The following RANBP9 variants were observed in gnomAD, a reference collection of about 807,000 sequenced individuals.
RANBP9 encodes RAN binding protein 9, also known as ran-binding protein 9.
A neutral mutation model predicts 84.3 loss-of-function variants in RANBP9; 15 were observed. The ratio of observed to expected loss-of-function variants is 0.18; its 90% CI spans 0.12 to 0.27. RANBP9 has a LOEUF of 0.27. Ranked by LOEUF, RANBP9 falls within the 10% of genes least tolerant of loss-of-function variation. The pLI is 1.00. For missense variants in RANBP9, 809 were observed against 912.8 expected, an observed-to-expected ratio of 0.89 and a Z score of 1.46; for synonymous variants, 392 against 349.6, an observed-to-expected ratio of 1.12 and a Z score of -1.35.
intron 2 of RANBP9, 79 bp downstream of exon 2, chr6:13,696,706 A>G: frequency 1.6e-6 from 2 of 1,222,202 alleles, no homozygotes; most frequent in Non-Finnish European, 2.3e-6. Flanking sequence ...CAGGATTCCA[A>G]CTTTCCAATT....
chr6:13,674,289 AAGAC>A (rs1765840444), intron 2 of RANBP9, among the ~76,000 whole-genome samples: 1 of 152,146 alleles, frequency 6.6e-6, no homozygotes, highest in African/African-American at 2.4e-5. Flanking sequence ...TCTAAATATA[AAGAC>A]ACAGATAGGT....
In RANBP9 at chr6:13,634,566, A is replaced by C. The variant is rs1261267952; in HGVS notation, c.1674-14T>G. ...TCTACATCATTACTGAAAACGAAAA[A>C]ACAAACCTAATTTTAGAAATATCAT... On this transcript the variant is annotated splice_polypyrimidine_tract_variant and intron_variant, in intron 10 of 13. Coordinates refer to ENST00000011619, the MANE Select transcript of RANBP9 (RefSeq NM_005493.3). The C allele has an allele frequency of 6.3e-7, 1 of 1,587,730 alleles. No homozygotes were observed. Among genetic ancestry groups the C allele is most frequent in the South Asian group, 1.1e-5 (1 of 88,684 alleles).
chr6:13,641,384 AAGTT>A (rs1425054446), intron 7 of RANBP9, 77 bp from the exon 8 acceptor site: 86 of 816,544 alleles, frequency 1.1e-4, no homozygotes, highest in South Asian at 8.6e-4. Flanking sequence ...TCAGAAAAGA[AAGTT>A]AGTAAGAAAT....
intron 2 of RANBP9, among the ~76,000 whole-genome samples, chr6:13,661,600 A>T (rs1765539395): frequency 6.6e-6 from 1 of 152,180 alleles, no homozygotes; most frequent in Non-Finnish European, 1.5e-5. Context: ...AAACATAAAA[A>T]TAAGTATATT....
Position 13,696,902 on chromosome 6 carries a change from T to C in RANBP9, c.572-6A>G, listed in dbSNP as rs763433433. 13 of 1,602,960 alleles carry C rather than the reference T, an allele frequency of 8.1e-6. No individual in the cohort carries two copies. The highest frequency in any genetic ancestry group is 3.4e-5 in the Admixed American group (2 of 58,608). ...TTTTGGGGTTTTGCCATGACCTGCA[T>C]AGAAACAGGAAGGAAAAAAGAAGTC... On this transcript the variant is annotated splice_region_variant and splice_polypyrimidine_tract_variant and intron_variant, in intron 1 of 13. Coordinates refer to ENST00000011619, the MANE Select transcript of RANBP9 (RefSeq NM_005493.3).
intron 12 of RANBP9, among the ~76,000 whole-genome samples, chr6:13,631,231 G>C (rs2127761005): frequency 6.6e-6 from 1 of 152,222 alleles, no homozygotes; most frequent in East Asian, 1.9e-4. Flanking sequence ...ATACTATGGA[G>C]TAGATGAAGT....
At chr6:13,687,402 C>A (rs1332816067) in intron 2 of RANBP9, among the ~76,000 whole-genome samples, 2 of 151,924 alleles carry the variant, frequency 1.3e-5, no homozygotes, top group African/African-American at 4.8e-5. Context: ...GCAGGAGGAT[C>A]CCTTGAGCCC....
At chr6:13,666,280 T>C (rs1268036762) in intron 2 of RANBP9, among the ~76,000 whole-genome samples, 1 of 152,056 alleles carries the variant, frequency 6.6e-6, no homozygotes, top group Admixed American at 6.6e-5. Context: ...AGAGATACCT[T>C]ATAAAATAAT....
At chr6:13,668,026 A>G (rs542630330) in intron 2 of RANBP9, among the ~76,000 whole-genome samples, 2 of 152,264 alleles carry the variant, frequency 1.3e-5, no homozygotes, top group African/African-American at 4.8e-5. Context: ...AGAGACTAGA[A>G]AAACAATAGA....
At chr6:13,640,889 CAG>C (rs1055155506) in intron 8 of RANBP9, among the ~76,000 whole-genome samples, 2 of 151,904 alleles carry the variant, frequency 1.3e-5, no homozygotes, top group African/African-American at 2.4e-5. Flanking sequence ...TTTAAAATGC[CAG>C]AGAGATTAAA....
At position 13,669,462 on chromosome 6, in the gene RANBP9, C is replaced by T. The variant is rs577825424; in HGVS notation, c.684-10630G>A. 1.1e-4 allele frequency among the ~76,000 whole-genome samples: 17 copies of T among 152,232 alleles called. No individual in the cohort carries two copies. The East Asian group carries it at 3.3e-3, about 29-fold the overall frequency. On this transcript the variant is annotated intron_variant, in intron 2 of 13. Transcript: ENST00000011619. ...AAAAAAGTTGGAAGACTCACACATTCCAATTTTAAAACTCAATAAAAAGCT... is the reference window on the plus strand; with the variant it reads ...AAAAAAGTTGGAAGACTCACACATTTCAATTTTAAAACTCAATAAAAAGCT...
At chr6:13,650,224 C>CT (rs1385699106) in intron 5 of RANBP9, among the ~76,000 whole-genome samples, 1 of 148,700 alleles carries the variant, frequency 6.7e-6, no homozygotes, top group Non-Finnish European at 1.5e-5. Context: ...TGGTGTTGAA[C>CT]TCCTGGCCTC....
chr6:13,700,777 C>T (rs1209585133), intron 1 of RANBP9, among the ~76,000 whole-genome samples: 1 of 152,182 alleles, frequency 6.6e-6, no homozygotes, highest in East Asian at 1.9e-4. Context: ...GACCAAGCCA[C>T]CTGTAATATC....
chr6:13,648,427 C>T (rs561402814), intron 5 of RANBP9, among the ~76,000 whole-genome samples: 20 of 151,998 alleles, frequency 1.3e-4, no homozygotes, highest in African/African-American at 4.8e-4. Context: ...CGTGAGCCAC[C>T]GCACCCAGAT....
chr6:13,696,725 A>C, intron 2 of RANBP9, 60 bp downstream of exon 2: 10 of 1,394,662 alleles, frequency 7.2e-6, no homozygotes, highest in East Asian at 2.3e-5. Context: ...TTACATCATA[A>C]ACATTATGAA....
chr6:13,679,177 A>C (rs1455305898), intron 2 of RANBP9, among the ~76,000 whole-genome samples: 2 of 152,206 alleles, frequency 1.3e-5, no homozygotes, highest in Admixed American at 1.3e-4. Context: ...TGAAAAACAG[A>C]AATTCTTTCT....
At chr6:13,710,859 G>A (rs1045460516) in intron 1 of RANBP9, 76 bp downstream of exon 1, 8 of 1,455,608 alleles carry the variant, frequency 5.5e-6, no homozygotes, top group East Asian at 5.4e-5. Context: ...GTCGGGGGCG[G>A]GTCGAGAGCG....
At chr6:13,631,050 C>T (rs546475585) in intron 12 of RANBP9, among the ~76,000 whole-genome samples, 3 of 152,180 alleles carry the variant, frequency 2.0e-5, no homozygotes, top group South Asian at 4.2e-4. Context: ...ACTCATGATC[C>T]GCCCGCCTCA....
At chr6:13,625,479 A>ATTTGAAT (rs1764576323) in intron 13 of RANBP9, among the ~76,000 whole-genome samples, 174 bp downstream of exon 13, 2 of 152,162 alleles carry the variant, frequency 1.3e-5, no homozygotes, top group African/African-American at 4.8e-5. Flanking sequence ...ATTTAAATCC[A>ATTTGAAT]CTTGAATCTG....
Sources: allele counts gnomAD v4.1 joint callset (sites outside exome capture counted in the v4.1 genomes callset), GRCh38; gene constraint gnomAD v4.1.1; transcripts MANE v1.5; gene names NCBI Gene and HGNC (gene_info 2026-07-23, HGNC 2026-07-21).